Variants in SLC38A3 observed in about 807,000 individuals in gnomAD.
SLC38A3 encodes solute carrier family 38 member 3.
In SLC38A3, 17 loss-of-function variants were observed where a neutral mutation model predicts 59.5. The ratio of observed to expected loss-of-function variants is 0.29; its 90% CI spans 0.20 to 0.43. The LOEUF is 0.43. Ranked by LOEUF, SLC38A3 falls within the 20% of genes least tolerant of loss-of-function variation. The probability of loss-of-function intolerance (pLI) is 1.00; values close to 1 mark genes in which losing one functional copy is unlikely to be tolerated. For synonymous variants in SLC38A3, 238 were observed against 260.3 expected, an observed-to-expected ratio of 0.91 and a Z score of 0.82; for missense variants, 454 against 653.9, an observed-to-expected ratio of 0.69 and a Z score of 3.33.
Position 50,217,239 on chromosome 3 carries a change from G to A in SLC38A3, c.550G>A (p.Asp184Asn). ...GGCTCCCGACTCATGTCCCTGCAGG[G>A]ACTGGTACATGAACGGGAACTACCT... ...TFLNLEEKTS[D>N]WYMNGNYLVI... Residue 184 changes from aspartate to asparagine, a missense_variant and splice_region_variant, in exon 8 of 16, where the codon GAC (aspartate) becomes AAC (asparagine). Around this residue, in one of 3 missense-constraint regions of SLC38A3, gnomAD observed 390 missense variants for 557.9 expected, o/e 0.70. Transcript: ENST00000614032. This position sits in a 1 kb window ranked among gnomAD's most constrained non-coding sequence, Gnocchi z 4.9. 2.5e-6 allele frequency: 4 copies of A among 1,611,294 alleles called. No individual in the cohort carries two copies. The highest frequency in any genetic ancestry group is 1.1e-5 in the South Asian group (1 of 90,450).
In SLC38A3 at chr3:50,217,242, T is replaced by C; in HGVS notation, c.553T>C (p.Trp185Arg). 1 of 1,611,758 alleles carries C rather than the reference T, an allele frequency of 6.2e-7. No individual in the cohort carries two copies. Among genetic ancestry groups the C allele is most frequent in the Admixed American group, 1.7e-5 (1 of 59,882 alleles). Residue 185 changes from tryptophan (W) to arginine (R), a missense_variant, in exon 8 of 16, where the codon TGG becomes CGG. Transcript: ENST00000614032. The surrounding 1 kb of genome is among the most constrained non-coding windows in gnomAD (Gnocchi z 4.9). The part of the protein sequence containing the change: ...FLNLEEKTSD[W>R]YMNGNYLVIL... ...TCCCGACTCATGTCCCTGCAGGGAC[T>C]GGTACATGAACGGGAACTACCTGGT...
At chr3:50,211,049 C>G (rs2109151101) in intron 1 of SLC38A3, among the ~76,000 whole-genome samples, 2 of 152,304 alleles carry the variant, frequency 1.3e-5, no homozygotes, top group East Asian at 3.9e-4. Context: ...GTACCCTGCC[C>G]CTGGCCACAC....
intron 1 of SLC38A3, among the ~76,000 whole-genome samples, chr3:50,212,938 G>GC (rs1699754275): frequency 6.6e-6 from 1 of 152,192 alleles, no homozygotes; most frequent in Non-Finnish European, 1.5e-5. Flanking sequence ...TGGCAGGGCT[G>GC]CCCCCCTCAC....
rs1197600191 is a variant in SLC38A3, at chr3:50,218,109, G to A, written c.935+113G>A. 1 of 1,170,892 alleles carries A rather than the reference G, an allele frequency of 8.5e-7. No homozygotes were observed. 72.5% of individuals were successfully genotyped at this position (1,170,892 alleles called of 1,614,324 possible). On this transcript the variant is annotated intron_variant, in intron 11 of 15. Transcript: ENST00000614032. This position sits in a 1 kb window ranked among gnomAD's most constrained non-coding sequence, Gnocchi z 5.8. ...TGACAGGAGCCAAGTCACTTTATCT[G>A]AGATGTCCTTGGCAGCCATGAGAGG...
Position 50,218,332 on chromosome 3 carries a change from A to C in SLC38A3, c.998A>C (p.Tyr333Ser). 6.2e-7 allele frequency: 1 copy of C among 1,613,600 alleles called. No individual in the cohort carries two copies. The highest frequency in any genetic ancestry group is 2.2e-5 in the East Asian group (1 of 44,876). The change falls in exon 12 of 16, where the codon TAC becomes TCC. Residue 333 changes from tyrosine to serine, a missense_variant. By Grantham distance (144) the Tyr-to-Ser change is moderately radical. This residue lies in a region of SLC38A3 where 390 missense variants were observed against 557.9 expected (regional missense o/e 0.70). Transcript: ENST00000614032. The surrounding 1 kb of genome is among the most constrained non-coding windows in gnomAD (Gnocchi z 5.8). ...TCCATCGCTGTCATGTACATCATGT[A>C]CTTCCTGGCTGCCCTCTTCGGCTAC... ...NLSIAVMYIM[Y>S]FLAALFGYLT...
rs200841708 is a variant in SLC38A3 at position 50,217,904 on chromosome 3, C to G, written c.856-13C>G. The G allele has an allele frequency of 6.2e-7, 1 of 1,614,002 alleles. No individual in the cohort carries two copies. The highest frequency in any genetic ancestry group is 8.5e-7 in the Non-Finnish European group (1 of 1,179,886). On this transcript the variant is annotated splice_polypyrimidine_tract_variant and intron_variant, in intron 10 of 15. Coordinates refer to ENST00000614032, the MANE Select transcript of SLC38A3 (RefSeq NM_006841.6). This position sits in a 1 kb window ranked among gnomAD's most constrained non-coding sequence, Gnocchi z 4.9. The stretch of plus-strand genomic sequence containing the variant: ...GTGGCAGACTGCCTTGACACAGCCC[C>G]GTGTTTCCCCAGACAGCATACACCA...
rs933527618 is a variant in SLC38A3, at chr3:50,220,713, A to G, written c.*536A>G. 1 of 166,924 alleles carries G rather than the reference A, an allele frequency of 6.0e-6. No individual in the cohort carries two copies. Among genetic ancestry groups the G allele is most frequent in the African/African-American group, 2.4e-5 (1 of 41,532 alleles). 10.3% of individuals were successfully genotyped at this position (166,924 alleles called of 1,614,324 possible). A position where few individuals can be genotyped will look rare whatever the true frequency, so the allele number is the denominator to read the frequency against. ...ACAGGATGACACCCTCCCATACCCC[A>G]TAGCTGGGGCCAGCAGGTTCTGCTG... On this transcript the variant is annotated 3_prime_UTR_variant, in exon 16 of 16. Coordinates refer to ENST00000614032, the MANE Select transcript of SLC38A3 (RefSeq NM_006841.6).
intron 14 of SLC38A3, among the ~76,000 whole-genome samples, chr3:50,219,304 G>A (rs772863919): frequency 6.6e-6 from 1 of 152,196 alleles, no homozygotes; most frequent in Non-Finnish European, 1.5e-5. Context: ...GCTTGATTCA[G>A]CCCCAGGATC....
At position 50,220,134 on chromosome 3, in the gene SLC38A3, T is replaced by C. The variant is rs754550498; in HGVS notation, c.1472T>C (p.Ile491Thr). The stretch of plus-strand genomic sequence containing the variant: ...ACCATGAGCTTGAGCTTCATCATCA[T>C]TGACTGGGCCTCAGGGACCAGCCGG... ...LMTMSLSFII[I>T]DWASGTSRHG... Residue 491 changes from isoleucine to threonine, a missense_variant, in exon 16 of 16, where the codon ATT becomes ACT. Ile to Thr is a moderately conservative substitution (Grantham distance 89). Around this residue, in one of 3 missense-constraint regions of SLC38A3, gnomAD observed 59 missense variants for 70.8 expected, o/e 0.83. Transcript: ENST00000614032. The C allele has an allele frequency of 2.4e-5, 39 of 1,603,656 alleles. No homozygotes were observed. The highest frequency in any genetic ancestry group is 1.5e-4 in the Admixed American group (9 of 58,870).
chr3:50,217,374 G>A lies in SLC38A3; in HGVS notation c.632-41G>A. On this transcript the variant is annotated intron_variant, in intron 8 of 15. Transcript: ENST00000614032. The surrounding 1 kb of genome is among the most constrained non-coding windows in gnomAD (Gnocchi z 4.9). ...GGGGATGTTGGAGGCATACACCATGGGAGGGGCCCCAGGTCTCAGAGTGCT... is the reference window on the plus strand; with the variant it reads ...GGGGATGTTGGAGGCATACACCATGAGAGGGGCCCCAGGTCTCAGAGTGCT... The A allele has an allele frequency of 6.2e-7, 1 of 1,611,900 alleles. No homozygotes were observed. Among genetic ancestry groups the A allele is most frequent in the Non-Finnish European group, 8.5e-7 (1 of 1,178,834 alleles).
Position 50,218,230 on chromosome 3 carries a change from C to T in SLC38A3, c.936-40C>T, listed in dbSNP as rs747202327. The T allele has an allele frequency of 2.3e-5, 32 of 1,408,560 alleles. No individual in the cohort carries two copies. The highest frequency in any genetic ancestry group is 3.1e-5 in the Non-Finnish European group (31 of 992,868). 87.3% of individuals were successfully genotyped at this position (1,408,560 alleles called of 1,614,324 possible). A position where few individuals can be genotyped will look rare whatever the true frequency, so the allele number is the denominator to read the frequency against. ...GCACATGGGGGTCTCCCAATGTTAC[C>T]CAGCTTGTCACCAACACCCACCCCC... On this transcript the variant is annotated intron_variant, in intron 11 of 15. Coordinates refer to ENST00000614032, the MANE Select transcript of SLC38A3 (RefSeq NM_006841.6). This position sits in a 1 kb window ranked among gnomAD's most constrained non-coding sequence, Gnocchi z 5.8.
Position 50,214,649 on chromosome 3 carries a change from G to A in SLC38A3, c.184-4G>A. 6.3e-7 allele frequency: 1 copy of A among 1,585,950 alleles called. No individual in the cohort carries two copies. Among genetic ancestry groups the A allele is most frequent in the Non-Finnish European group, 8.6e-7 (1 of 1,156,464 alleles). ...CCCTCCCCGTCCCATTCTGGTGCCT[G>A]CAGTTCGAGGGGAAGACATCATTCG... is the stretch of plus-strand genomic sequence containing the variant. On this transcript the variant is annotated splice_polypyrimidine_tract_variant and splice_region_variant and intron_variant, in intron 3 of 15. Coordinates refer to ENST00000614032, the MANE Select transcript of SLC38A3 (RefSeq NM_006841.6). The surrounding 1 kb of genome is among the most constrained non-coding windows in gnomAD (Gnocchi z 6.0).
chr3:50,208,528 G>T (rs1699677167), intron 1 of SLC38A3, among the ~76,000 whole-genome samples: 1 of 152,348 alleles, frequency 6.6e-6, no homozygotes, highest in South Asian at 2.1e-4. Context: ...CTCCCAAAGT[G>T]CTGGGATTAC....
Position 50,215,705 on chromosome 3 carries a change from C to T in SLC38A3, c.467-35C>T. The T allele has an allele frequency of 3.7e-6, 6 of 1,607,476 alleles. No individual in the cohort carries two copies. The highest frequency in any genetic ancestry group is 5.1e-6 in the Non-Finnish European group (6 of 1,176,734). Reference sequence around the variant, plus strand: ...CCTGAAAGCTGGCTGGTTGGGCTGACCTCAGCGCCTGCCTGCCCGCCCCTC... The same window carrying T: ...CCTGAAAGCTGGCTGGTTGGGCTGATCTCAGCGCCTGCCTGCCCGCCCCTC... On this transcript the variant is annotated intron_variant, in intron 6 of 15. Transcript: ENST00000614032. This position sits in a 1 kb window ranked among gnomAD's most constrained non-coding sequence, Gnocchi z 7.1.
At position 50,218,812 on chromosome 3, in the gene SLC38A3, C is replaced by G; in HGVS notation, c.1170C>G (p.Arg390=). Residue 390 remains arginine, a synonymous_variant, in exon 14 of 16, where the codon CGC becomes CGG. Transcript: ENST00000614032. This position sits in a 1 kb window ranked among gnomAD's most constrained non-coding sequence, Gnocchi z 5.8. The stretch of plus-strand genomic sequence containing the variant: ...TCTCACCTGCCCCCCAGGTGCGCCG[C>G]GCCATCCAGCAGATGCTGTTTCCAA... ...TVPIVLFPVR[R]AIQQMLFPNQ... The G allele has an allele frequency of 6.2e-7, 1 of 1,607,764 alleles. No individual in the cohort carries two copies. Among genetic ancestry groups the G allele is most frequent in the African/African-American group, 1.3e-5 (1 of 74,950 alleles).
intron 1 of SLC38A3, among the ~76,000 whole-genome samples, chr3:50,205,698 A>G (rs1699635275): frequency 1.3e-5 from 2 of 152,148 alleles, no homozygotes; most frequent in South Asian, 4.1e-4. Context: ...GGCACACCAC[A>G]GGCTTCCTGA....
At chr3:50,206,913 T>A (rs1437891772) in intron 1 of SLC38A3, among the ~76,000 whole-genome samples, 1 of 152,226 alleles carries the variant, frequency 6.6e-6, no homozygotes, top group Non-Finnish European at 1.5e-5. Flanking sequence ...CCTGTCCTTG[T>A]GCCACTGCCC....
Position 50,214,004 on chromosome 3 carries a change from C to A in SLC38A3, c.-51-145C>A. ...AGCTGGATTCCCCCAACAGCAGATC[C>A]CAGGGAGGCAGTAGGCAGAGCTGCA... is the stretch of plus-strand genomic sequence containing the variant. On this transcript the variant is annotated intron_variant, in intron 1 of 15. Coordinates refer to ENST00000614032, the MANE Select transcript of SLC38A3 (RefSeq NM_006841.6). This position sits in a 1 kb window ranked among gnomAD's most constrained non-coding sequence, Gnocchi z 6.0. 1.7e-6 allele frequency: 1 copy of A among 605,960 alleles called. No individual in the cohort carries two copies. The highest frequency in any genetic ancestry group is 2.0e-5 in the South Asian group (1 of 50,740). 37.5% of individuals were successfully genotyped at this position (605,960 alleles called of 1,614,324 possible). A position where few individuals can be genotyped will look rare whatever the true frequency, so the allele number is the denominator to read the frequency against.
intron 1 of SLC38A3, among the ~76,000 whole-genome samples, chr3:50,210,882 C>T (rs971664402): frequency 5.9e-5 from 9 of 152,192 alleles, no homozygotes; most frequent in African/African-American, 1.2e-4. Flanking sequence ...CCAAGGCCAC[C>T]GTGATCTCCC....
Sources: gnomAD v4.1 joint callset for allele counts (sites outside exome capture counted in the v4.1 genomes callset) on GRCh38, gnomAD v4.1.1 for gene constraint, gnomAD v4.1.1 regional missense constraint, Gnocchi (gnomAD v3.1) non-coding constraint, MANE v1.5 for transcripts, NCBI Gene and HGNC (gene_info 2026-07-23, HGNC 2026-07-21) for gene names.